The following MYCBP2 variants were observed in gnomAD, a reference collection of about 807,000 sequenced individuals.
MYCBP2 encodes MYC binding protein 2, also known as E3 ubiquitin-protein ligase MYCBP2.
Under a neutral mutation model 525.3 loss-of-function variants are expected in MYCBP2, and 120 were observed. The ratio of observed to expected loss-of-function variants is 0.23; its 90% CI spans 0.20 to 0.27. The LOEUF (loss-of-function observed/expected upper bound fraction) is 0.27. Among genes scored for constraint, MYCBP2 ranks in the 10% least tolerant of loss-of-function variants. The probability of loss-of-function intolerance (pLI) is 1.00; values close to 1 mark genes in which losing one functional copy is unlikely to be tolerated. For missense variants in MYCBP2, 4,149 were observed against 5,657.1 expected, an observed-to-expected ratio of 0.73 and a Z score of 8.55; for synonymous variants, 1,894 against 1,955.8, an observed-to-expected ratio of 0.97 and a Z score of 0.83.
chr13:77,145,484 T>A (rs572595098), intron 48 of MYCBP2, among the ~76,000 whole-genome samples: 1 of 152,256 alleles, frequency 6.6e-6, no homozygotes, highest in Non-Finnish European at 1.5e-5. Flanking sequence ...TGACAACCAT[T>A]CCTCAGTTTT....
In MYCBP2 at chr13:77,098,102, G is replaced by C. The variant is rs752840666; in HGVS notation, c.9052C>G (p.Pro3018Ala). The C allele has an allele frequency of 6.2e-7, 1 of 1,613,428 alleles. No homozygotes were observed. Among genetic ancestry groups the C allele is most frequent in the African/African-American group, 1.3e-5 (1 of 74,986 alleles). ...FKGDGSKPLEPAKQAMSPSVA... is the reference protein window; with the variant it reads ...FKGDGSKPLEAAKQAMSPSVA... ...GAAGGAGACATGGCTTGCTTGGCTG[G>C]CTCTAAAGGCTTGGATCCATCTCCT... The change falls in exon 56 of 83, where the codon CCA (proline) becomes GCA (alanine). Residue 3018 changes from proline to alanine, a missense_variant. By Grantham distance (27) the Pro-to-Ala change is conservative. Around this residue, in one of 21 missense-constraint regions of MYCBP2, gnomAD observed 653 missense variants for 744.7 expected, o/e 0.88. Coordinates refer to ENST00000544440, the MANE Select transcript of MYCBP2 (RefSeq NM_015057.5).
chr13:77,197,186 G>T lies in MYCBP2; in HGVS notation c.3844-2942C>A, dbSNP rs1220613743. Among the ~76,000 whole-genome samples the T allele has an allele frequency of 2.0e-5, 3 of 152,202 alleles. No individual in the cohort carries two copies. In the East Asian group the frequency reaches 5.8e-4, roughly 29 times the overall value. On this transcript the variant is annotated intron_variant, in intron 26 of 82. Transcript: ENST00000544440. ...CTTGACAAGAGCAATGTCAGTGGTG[G>T]GGGCAAAAATCTGACTGGAGTAGGC...
intron 49 of MYCBP2, among the ~76,000 whole-genome samples, chr13:77,141,537 G>A (rs183903557): frequency 2.0e-5 from 3 of 152,198 alleles, no homozygotes; most frequent in Admixed American, 1.3e-4. Context: ...TTGGGAGGCC[G>A]GGGCAGGCGG....
Position 77,278,856 on chromosome 13 carries a change from GAAA to G in MYCBP2, c.647_649del (p.Phe216del). 6.3e-7 allele frequency: 1 copy of G among 1,597,834 alleles called. No homozygotes were observed. Among genetic ancestry groups the G allele is most frequent in the Non-Finnish European group, 8.5e-7 (1 of 1,172,494 alleles). On this transcript the variant is annotated inframe_deletion, in exon 4 of 83. Transcript: ENST00000544440. ...ACTCCTGAGACACAGGGATGGATGA[GAAA>G]ATCGTGTCTCTTTGATCAATTCAAA...
intron 52 of MYCBP2, among the ~76,000 whole-genome samples, chr13:77,132,728 T>C (rs963355701): frequency 2.0e-5 from 3 of 152,184 alleles, no homozygotes; most frequent in African/African-American, 7.2e-5. Context: ...TGTGTAAGTT[T>C]GAAACCATTA....
At chr13:77,068,911 G>A (rs1176874216) in intron 69 of MYCBP2, 80 bp from the exon 70 acceptor site, 1 of 1,351,218 alleles carries the variant, frequency 7.4e-7, no homozygotes, top group African/African-American at 1.4e-5. Context: ...GCAAACAAAA[G>A]AATAAGACAA....
intron 1 of MYCBP2, among the ~76,000 whole-genome samples, chr13:77,312,037 A>C (rs567128111): frequency 1.8e-4 from 28 of 152,274 alleles, no homozygotes; most frequent in Non-Finnish European, 4.0e-4. Flanking sequence ...AATAAGGTTT[A>C]CATTACAAAG....
intron 12 of MYCBP2, 59 bp downstream of exon 12, chr13:77,261,112 A>G: frequency 7.3e-7 from 1 of 1,376,804 alleles, no homozygotes; most frequent in Non-Finnish European, 1.0e-6. Context: ...ATAAAGTTTT[A>G]TTTTTACTAA....
chr13:77,053,495 G>A (rs567245380), intron 80 of MYCBP2, among the ~76,000 whole-genome samples: 2 of 152,198 alleles, frequency 1.3e-5, no homozygotes, highest in East Asian at 3.9e-4. Flanking sequence ...GGTTATAAAC[G>A]GTCGTTCACC....
chr13:77,203,962 T>C (rs1483038602), intron 26 of MYCBP2, among the ~76,000 whole-genome samples: 2 of 152,000 alleles, frequency 1.3e-5, no homozygotes, highest in East Asian at 3.9e-4. Context: ...AACCTAGGCA[T>C]TACCATTCAG....
At chr13:77,247,710 A>G (rs1242859629) in intron 15 of MYCBP2, among the ~76,000 whole-genome samples, 1 of 152,214 alleles carries the variant, frequency 6.6e-6, no homozygotes, top group Non-Finnish European at 1.5e-5. Flanking sequence ...TGGCATAAAG[A>G]CAGTCATACA....
chr13:77,312,142 C>A (rs1394107080), intron 1 of MYCBP2, among the ~76,000 whole-genome samples: 2 of 152,000 alleles, frequency 1.3e-5, no homozygotes, highest in Non-Finnish European at 2.9e-5. Flanking sequence ...TATATATCCA[C>A]CTAAAATATC....
intron 82 of MYCBP2, among the ~76,000 whole-genome samples, chr13:77,050,154 A>G (rs1222516124): frequency 6.6e-6 from 1 of 152,114 alleles, no homozygotes; most frequent in Non-Finnish European, 1.5e-5. Context: ...ATTTGTAGCT[A>G]TATCCCTGAA....
chr13:77,251,056 A>C (rs2071122948), intron 15 of MYCBP2, 95 bp downstream of exon 15: 1 of 1,121,988 alleles, frequency 8.9e-7, no homozygotes. Flanking sequence ...ACTGGTCTTT[A>C]AGAAAAAAAT....
At position 77,158,003 on chromosome 13, in the gene MYCBP2, T is replaced by C; in HGVS notation, c.6704A>G (p.Asn2235Ser). Residue 2235 changes from asparagine to serine, a missense_variant, in exon 45 of 83, where the codon AAT becomes AGT. Asn to Ser is a conservative substitution (Grantham distance 46). Transcript: ENST00000544440. ...AAAATCATCCAGAAAAGACTGTTCA[T>C]TGCTTTGGATTTGGAGTGGTAAATT... ...EGNLPLQIQSNEQSFLDDFIA... is the reference protein window; with the variant it reads ...EGNLPLQIQSSEQSFLDDFIA... The C allele has an allele frequency of 6.2e-7, 1 of 1,613,906 alleles. No individual in the cohort carries two copies. Among genetic ancestry groups the C allele is most frequent in the Non-Finnish European group, 8.5e-7 (1 of 1,179,904 alleles).
intron 71 of MYCBP2, among the ~76,000 whole-genome samples, chr13:77,067,272 T>G (rs997197049): frequency 6.6e-6 from 1 of 152,202 alleles, no homozygotes. Flanking sequence ...TTCTTTTTAT[T>G]GTGGCAAAAA....
chr13:77,104,075 T>TA (rs1464207296), intron 55 of MYCBP2, among the ~76,000 whole-genome samples: 1 of 152,088 alleles, frequency 6.6e-6, no homozygotes, highest in African/African-American at 2.4e-5. Flanking sequence ...AGCAGTAAGC[T>TA]AAAAAACATC....
intron 18 of MYCBP2, among the ~76,000 whole-genome samples, chr13:77,231,275 T>C (rs1000622654): frequency 1.4e-4 from 21 of 152,132 alleles, no homozygotes; most frequent in African/African-American, 5.1e-4. Flanking sequence ...GAAGACTAGC[T>C]ATCATTGAAT....
At chr13:77,046,893 G>A (rs1231275455) in intron 82 of MYCBP2, among the ~76,000 whole-genome samples, 1 of 152,176 alleles carries the variant, frequency 6.6e-6, no homozygotes, top group East Asian at 1.9e-4. Context: ...CTGCAGATTG[G>A]TGCCCACCCC....
Sources: gnomAD v4.1 joint callset for allele counts (sites outside exome capture counted in the v4.1 genomes callset) on GRCh38, gnomAD v4.1.1 for gene constraint, gnomAD v4.1.1 regional missense constraint, MANE v1.5 for transcripts, NCBI Gene and HGNC (gene_info 2026-07-23, HGNC 2026-07-21) for gene names.